Variants in S100PBP observed in about 807,000 individuals in gnomAD.
The protein encoded by S100PBP is S100P binding protein.
S100PBP carries 15 observed loss-of-function variants against 39.9 expected under a neutral mutation model. That is an observed-to-expected ratio of 0.38 (90% CI 0.25 to 0.58). S100PBP has a LOEUF of 0.58. Ranked by LOEUF, S100PBP falls within the 20% of genes least tolerant of loss-of-function variation. S100PBP has a pLI of 0.70. For synonymous variants in S100PBP, 178 were observed against 180.3 expected (o/e 0.99, Z 0.10); for missense variants, 504 against 487.3 (o/e 1.03, Z -0.32).
At chr1:32,848,769 C>T (rs1055465069) in intron 5 of S100PBP, among the ~76,000 whole-genome samples, 5 of 152,162 alleles carry the variant, frequency 3.3e-5, no homozygotes, top group Non-Finnish European at 7.3e-5. Context: ...GGATGTTTCC[C>T]CAAAACCAGT....
chr1:32,819,924 A>G (rs1328023020), intron 1 of S100PBP, among the ~76,000 whole-genome samples: 1 of 152,136 alleles, frequency 6.6e-6, no homozygotes, highest in Non-Finnish European at 1.5e-5. Context: ...ACTTGAAGTG[A>G]ATTGCTGAGG....
intron 2 of S100PBP, 40 bp from the exon 3 acceptor site, chr1:32,826,058 A>G (rs778883742): frequency 5.5e-6 from 8 of 1,460,070 alleles, no homozygotes; most frequent in Middle Eastern, 1.8e-4. Flanking sequence ...GTATAAGGTT[A>G]TTTTCTCTTC....
At chr1:32,829,697 A>C (rs1002835295) in intron 4 of S100PBP, among the ~76,000 whole-genome samples, 6 of 152,186 alleles carry the variant, frequency 3.9e-5, no homozygotes, top group African/African-American at 1.4e-4. Flanking sequence ...AGCCTCAAGC[A>C]GTCCTCCTGC....
intron 6 of S100PBP, among the ~76,000 whole-genome samples, chr1:32,855,603 A>G (rs899427555): frequency 2.0e-5 from 3 of 150,734 alleles, no homozygotes; most frequent in Non-Finnish European, 4.5e-5. Context: ...GAGGAATAAA[A>G]TGGTTTTTTT....
intron 5 of S100PBP, among the ~76,000 whole-genome samples, chr1:32,852,165 T>C (rs1024489272): frequency 1.3e-5 from 2 of 151,954 alleles, no homozygotes; most frequent in East Asian, 1.9e-4. Context: ...ATATAAAAAT[T>C]AGCCTGGCAT....
At chr1:32,816,987 G>A, upstream of S100PBP, 8 of 665,670 alleles carry the variant, frequency 1.2e-5, no homozygotes, top group South Asian at 1.4e-4. Flanking sequence ...CAAGAGGTGA[G>A]CCCACTGTGA....
chr1:32,838,202 G>A lies in S100PBP; in HGVS notation c.1024+8135G>A, dbSNP rs192338956. On this transcript the variant is annotated intron_variant, in intron 5 of 6. Transcript: ENST00000373475. Reference sequence around the variant, plus strand: ...TAAAAATACAAAAAATTAGCTGCGCGTGGCTCCTGTAGTCTCAGCTACTCG... The same window carrying A: ...TAAAAATACAAAAAATTAGCTGCGCATGGCTCCTGTAGTCTCAGCTACTCG... Among the ~76,000 whole-genome samples, 67 of 151,886 alleles carry A rather than the reference G, an allele frequency of 4.4e-4. No individual in the cohort carries two copies. In the East Asian group the frequency reaches 0.012, roughly 27 times the overall value.
intron 1 of S100PBP, chr1:32,818,500 C>T (rs1638871522): frequency 6.6e-6 from 1 of 152,344 alleles, no homozygotes; most frequent in Non-Finnish European, 1.5e-5. Context: ...CTAACCTGAT[C>T]TCCGGTGTTT....
chr1:32,846,110 C>G (rs936370740), intron 5 of S100PBP, among the ~76,000 whole-genome samples: 1 of 152,080 alleles, frequency 6.6e-6, no homozygotes. Context: ...CTGCCTCAGC[C>G]TCCTGAGTAG....
chr1:32,830,510 G>A (rs1639547686), intron 5 of S100PBP, among the ~76,000 whole-genome samples: 1 of 152,174 alleles, frequency 6.6e-6, no homozygotes, highest in African/African-American at 2.4e-5. Flanking sequence ...CTGAATAAAA[G>A]CTCTTGAAAG....
At chr1:32,831,233 C>T (rs908818709) in intron 5 of S100PBP, among the ~76,000 whole-genome samples, 1 of 151,702 alleles carries the variant, frequency 6.6e-6, no homozygotes, top group Non-Finnish European at 1.5e-5. Flanking sequence ...GAATTCATAG[C>T]CTAGAGAAGA....
chr1:32,830,316 T>C (rs1007144193), intron 5 of S100PBP, among the ~76,000 whole-genome samples: 1 of 151,982 alleles, frequency 6.6e-6, no homozygotes, highest in Non-Finnish European at 1.5e-5. Flanking sequence ...TCCCTCATGG[T>C]TGAGGGCTTT....
intron 1 of S100PBP, among the ~76,000 whole-genome samples, chr1:32,823,376 G>A (rs1190305917): frequency 6.6e-6 from 1 of 152,154 alleles, no homozygotes; most frequent in East Asian, 1.9e-4. Context: ...CTAATGCAGA[G>A]AAATTACTTT....
At chr1:32,817,221 T>C (rs1199506505), upstream of S100PBP, 3 of 1,614,148 alleles carry the variant, frequency 1.9e-6, no homozygotes, top group South Asian at 3.3e-5. Flanking sequence ...GCAGTTTCTC[T>C]TCAGGGCTGG....
chr1:32,836,695 C>A, intron 5 of S100PBP: 1 of 511,344 alleles, frequency 2.0e-6, no homozygotes, highest in Non-Finnish European at 2.5e-6. Flanking sequence ...GTTCTTTAGC[C>A]CTGCAACAGA....
chr1:32,818,630 T>TG (rs969262999), intron 1 of S100PBP: 2 of 152,244 alleles, frequency 1.3e-5, no homozygotes, highest in African/African-American at 4.8e-5. Flanking sequence ...TGTGTCCATG[T>TG]GGGAGGAGAA....
At chr1:32,854,102 C>T (rs785275) in intron 6 of S100PBP, among the ~76,000 whole-genome samples, 21,594 of 151,870 alleles carry the variant, frequency 0.14, 1,915 homozygotes, top group South Asian at 0.23. Flanking sequence ...GATTCAGATA[C>T]TCAAAAACCT....
At chr1:32,822,086 A>G (rs1036926095) in intron 1 of S100PBP, among the ~76,000 whole-genome samples, 1 of 152,156 alleles carries the variant, frequency 6.6e-6, no homozygotes, top group African/African-American at 2.4e-5. Flanking sequence ...ACATAAGATA[A>G]TTGGAAATCT....
At chr1:32,834,773 G>C (rs1416999220) in intron 5 of S100PBP, 2 of 152,196 alleles carry the variant, frequency 1.3e-5, no homozygotes, top group Non-Finnish European at 2.9e-5. Flanking sequence ...ACAACTAACT[G>C]TTCACCTAAT....
Sources: gnomAD v4.1 joint callset for allele counts (sites outside exome capture counted in the v4.1 genomes callset) on GRCh38, gnomAD v4.1.1 for gene constraint, MANE v1.5 for transcripts, NCBI Gene and HGNC (gene_info 2026-07-23, HGNC 2026-07-21) for gene names.